The following TMEM260 variants were observed in gnomAD, a reference collection of about 807,000 sequenced individuals.
TMEM260 encodes transmembrane protein 260.
In TMEM260, 82 loss-of-function variants were observed where a neutral mutation model predicts 88.9. The ratio of observed to expected loss-of-function variants is 0.92; its 90% CI spans 0.77 to 1.11. TMEM260 has a LOEUF of 1.11. TMEM260 is among the 50% of genes least tolerant of loss of function. TMEM260 has a pLI of 0.00. For missense variants in TMEM260, 902 were observed against 853.4 expected, an observed-to-expected ratio of 1.06 and a Z score of -0.71; for synonymous variants, 314 against 309.3, an observed-to-expected ratio of 1.02 and a Z score of -0.16.
chr14:56,638,339 G>T (rs913448649), intron 15 of TMEM260: 1 of 152,046 alleles, frequency 6.6e-6, no homozygotes, highest in South Asian at 2.1e-4. Flanking sequence ...AAAAAAAAAG[G>T]GCTTTAAACT....
chr14:56,653,097 C>T (rs1021629175), downstream of TMEM260, among the ~76,000 whole-genome samples: 8 of 152,078 alleles, frequency 5.3e-5, no homozygotes, highest in African/African-American at 1.9e-4. Context: ...AGTTCAAGAC[C>T]AGCCTGGCCA....
At chr14:56,585,098 A>G (rs1885405307) in intron 2 of TMEM260, 66 bp downstream of exon 2, 1 of 1,447,076 alleles carries the variant, frequency 6.9e-7, no homozygotes. Context: ...AGAAAGTTTA[A>G]TTAAGCATGG....
chr14:56,644,160 A>T (rs1310571110), intron 15 of TMEM260, among the ~76,000 whole-genome samples: 2 of 152,222 alleles, frequency 1.3e-5, no homozygotes, highest in Non-Finnish European at 1.5e-5. Context: ...AAAGTACTTT[A>T]AAGTTCATAT....
chr14:56,580,504 G>A (rs772134717), intron 1 of TMEM260, among the ~76,000 whole-genome samples: 9 of 152,216 alleles, frequency 5.9e-5, no homozygotes, highest in Non-Finnish European at 1.0e-4. Flanking sequence ...TGAATAAACA[G>A]CATATTCACT....
chr14:56,640,030 G>T (rs139055000), intron 15 of TMEM260, among the ~76,000 whole-genome samples: 2 of 152,090 alleles, frequency 1.3e-5, no homozygotes, highest in Non-Finnish European at 1.5e-5. Flanking sequence ...GGAGGCCTGC[G>T]TGCCTTCCTG....
Position 56,595,591 on chromosome 14 carries a change from T to TGCTTCAGCCTCCC in TMEM260, c.345-8223_345-8211dup, listed in dbSNP as rs1447969107. On this transcript the variant is annotated intron_variant, in intron 3 of 15. Transcript: ENST00000261556. ...ACCTCCTGGGCTCAAGCCATCCTCCTGCTTCAGCCTCCCACAGACCTGGGA... is the reference window on the plus strand; with the variant it reads ...ACCTCCTGGGCTCAAGCCATCCTCCTGCTTCAGCCTCCCGCTTCAGCCTCCCACAGACCTGGGA... Among the ~76,000 whole-genome samples, 3 of 152,184 alleles carry TGCTTCAGCCTCCC rather than the reference T, an allele frequency of 2.0e-5. No individual in the cohort carries two copies. The East Asian group carries it at 5.8e-4, about 29-fold the overall frequency.
chr14:56,639,641 A>C (rs1226081435), intron 15 of TMEM260, among the ~76,000 whole-genome samples: 1 of 152,192 alleles, frequency 6.6e-6, no homozygotes, highest in Non-Finnish European at 1.5e-5. Context: ...GGAGTGCCGG[A>C]CAGTGGGTGC....
chr14:56,613,254 T>C (rs17776343), intron 7 of TMEM260: 1,694 of 152,266 alleles, frequency 0.011, 12 homozygotes, highest in Admixed American at 0.018. Flanking sequence ...GAAAAAAAAC[T>C]ATGAGGAGAA....
Position 56,646,252 on chromosome 14 carries a change from C to T in TMEM260, c.1870-991C>T, listed in dbSNP as rs964139098. 7.2e-5 allele frequency among the ~76,000 whole-genome samples: 11 copies of T among 152,272 alleles called. No individual in the cohort carries two copies. The East Asian group carries it at 1.4e-3, about 19-fold the overall frequency. ...TTAAAAATAGGTATGCATTTGTTTG[C>T]CCTGGAGTAGGAATTGGAAAAATAG... On this transcript the variant is annotated intron_variant, in intron 15 of 15. Transcript: ENST00000261556.
chr14:56,640,725 CAAAG>C (rs1889525300), intron 15 of TMEM260, among the ~76,000 whole-genome samples: 1 of 152,028 alleles, frequency 6.6e-6, no homozygotes, highest in Non-Finnish European at 1.5e-5. Flanking sequence ...GAACCAATGG[CAAAG>C]AAGTTAAAAA....
At chr14:56,597,980 T>A (rs1274556384) in intron 3 of TMEM260, among the ~76,000 whole-genome samples, 5 of 152,174 alleles carry the variant, frequency 3.3e-5, no homozygotes, top group African/African-American at 2.4e-5. Flanking sequence ...ATTGAGGTTC[T>A]ATGGGGCATC....
At position 56,605,513 on chromosome 14, in the gene TMEM260, GT is replaced by G. The variant is rs370555117; in HGVS notation, c.523-55del. ...TAATATAAAAATGGCTTTTTATTATGTTCTTAGAGTTTTAGGTGAATTTTTT... is the reference window on the plus strand; with the variant it reads ...TAATATAAAAATGGCTTTTTATTATGTCTTAGAGTTTTAGGTGAATTTTTT... On this transcript the variant is annotated intron_variant, in intron 4 of 15. Transcript: ENST00000261556. 125 of 978,934 alleles carry G rather than the reference GT, an allele frequency of 1.3e-4. No homozygotes were observed. In the East Asian group the frequency reaches 3.2e-3, roughly 25 times the overall value. The allele number at this position is 978,934 out of a possible 1,614,324, so 60.6% of individuals were successfully genotyped here.
At chr14:56,640,335 C>T (rs1889486004) in intron 15 of TMEM260, among the ~76,000 whole-genome samples, 1 of 152,190 alleles carries the variant, frequency 6.6e-6, no homozygotes, top group Non-Finnish European at 1.5e-5. Flanking sequence ...ATTTGCAGTT[C>T]ACCAATATCC....
chr14:56,580,193 C>A (rs1885026438), intron 1 of TMEM260, 119 bp downstream of exon 1: 1 of 782,724 alleles, frequency 1.3e-6, no homozygotes, highest in Non-Finnish European at 1.7e-6. Context: ...CTCCATCCAC[C>A]CCCCTGTGCA....
chr14:56,590,015 T>G (rs899518161), intron 3 of TMEM260, among the ~76,000 whole-genome samples: 1 of 152,192 alleles, frequency 6.6e-6, no homozygotes, highest in Non-Finnish European at 1.5e-5. Context: ...TAACTATGCA[T>G]AAGTAACAAA....
At position 56,583,974 on chromosome 14, in the gene TMEM260, G is replaced by T. The variant is rs547161183; in HGVS notation, c.161-1027G>T. 3.5e-4 allele frequency among the ~76,000 whole-genome samples: 52 copies of T among 150,120 alleles called. No individual in the cohort carries two copies. The South Asian group carries it at 4.6e-3, about 13-fold the overall frequency. ...AGCCATTGAGAAATTTTAGACTAGGGATGCAATCCAGCCTTTTGTGTGTGT... is the reference window on the plus strand; with the variant it reads ...AGCCATTGAGAAATTTTAGACTAGGTATGCAATCCAGCCTTTTGTGTGTGT... On this transcript the variant is annotated intron_variant, in intron 1 of 15. Coordinates refer to ENST00000261556, the MANE Select transcript of TMEM260 (RefSeq NM_017799.4).
intron 6 of TMEM260, among the ~76,000 whole-genome samples, chr14:56,609,566 T>C (rs1887123317): frequency 6.6e-6 from 1 of 152,200 alleles, no homozygotes; most frequent in African/African-American, 2.4e-5. Context: ...ATTTCAGTCT[T>C]GTTAGCAGTG....
At chr14:56,658,617 T>C in the TMEM260 span, among the ~76,000 whole-genome samples, 9,042 of 152,144 alleles carry the variant, frequency 0.059, 392 homozygotes, top group East Asian at 0.13. Context: ...TCTTCAAACA[T>C]GTTAAGGTTA....
At chr14:56,638,794 G>C (rs1275959029) in intron 15 of TMEM260, among the ~76,000 whole-genome samples, 2 of 151,768 alleles carry the variant, frequency 1.3e-5, no homozygotes. Flanking sequence ...ACATCAGGGA[G>C]CAGGGCAGGG....
Sources: gnomAD v4.1 joint callset for allele counts (sites outside exome capture counted in the v4.1 genomes callset) on GRCh38, gnomAD v4.1.1 for gene constraint, MANE v1.5 for transcripts, NCBI Gene and HGNC (gene_info 2026-07-23, HGNC 2026-07-21) for gene names.